The following NBPF15 variants were observed in gnomAD, a reference collection of about 807,000 sequenced individuals.
NBPF15 encodes the protein NBPF family member NBPF15.
NBPF15 carries 74 observed loss-of-function variants against 62.2 expected under a neutral mutation model. The observed-to-expected ratio is 1.19, with a 90% CI of 0.99 to 1.44. The LOEUF (loss-of-function observed/expected upper bound fraction) is 1.44. NBPF15 is among the 40% of genes most tolerant of loss of function. NBPF15 has a pLI of 0.00. For synonymous variants in NBPF15, 244 were observed against 209.7 expected, an observed-to-expected ratio of 1.16 and a Z score of -1.41; for missense variants, 790 against 550.0, an observed-to-expected ratio of 1.44 and a Z score of -4.36.
At chr1:144,445,352 TATACACACACAC>T (rs1686715834) in intron 6 of NBPF15, among the ~76,000 whole-genome samples, 1 of 115,172 alleles carries the variant, frequency 8.7e-6, no homozygotes, top group African/African-American at 4.7e-5. Context: ...TATATATATA[TATACACACACAC>T]ACACACACAC....
chr1:144,438,964 T>C (rs1680805233), intron 8 of NBPF15, among the ~76,000 whole-genome samples: 1 of 151,864 alleles, frequency 6.6e-6, no homozygotes, highest in African/African-American at 2.4e-5. Context: ...CTCTGCTTTT[T>C]ATTCTTATTT....
At chr1:144,450,447 C>G (rs587758965) in intron 5 of NBPF15, among the ~76,000 whole-genome samples, 1 of 151,962 alleles carries the variant, frequency 6.6e-6, no homozygotes, top group African/African-American at 2.4e-5. Flanking sequence ...CTCAGCCCCC[C>G]ACAAACAAGA....
chr1:144,428,496 G>T (rs1485461255), intron 15 of NBPF15, 110 bp downstream of exon 15: 1 of 844,704 alleles, frequency 1.2e-6, no homozygotes, highest in South Asian at 1.3e-5. Context: ...GCATAATTCA[G>T]ACTTGTCTGA....
chr1:144,450,561 G>C (rs1293270767), intron 5 of NBPF15, among the ~76,000 whole-genome samples: 1 of 150,344 alleles, frequency 6.7e-6, no homozygotes, highest in African/African-American at 2.5e-5. Flanking sequence ...ACATGACTCT[G>C]ATCAGAGAAC....
Position 144,450,885 on chromosome 1 carries a change from A to G in NBPF15, c.-431-15T>C, listed in dbSNP as rs1690650062. On this transcript the variant is annotated splice_polypyrimidine_tract_variant and intron_variant, in intron 4 of 21. Transcript: ENST00000581897. ...CAATCACATTTCTGAAAGAATAAAA[A>G]TGGTTCAGTGAAGGGATGGGTTGCC... 2 of 636,526 alleles carry G rather than the reference A, an allele frequency of 3.1e-6. No individual in the cohort carries two copies. Among genetic ancestry groups the G allele is most frequent in the Non-Finnish European group, 3.9e-6 (2 of 512,104 alleles). The allele number at this position is 636,526 out of a possible 1,614,324, so 39.4% of individuals were successfully genotyped here.
intron 15 of NBPF15, among the ~76,000 whole-genome samples, chr1:144,428,271 T>A (rs1282601241): frequency 6.6e-6 from 1 of 151,840 alleles, no homozygotes; most frequent in African/African-American, 2.4e-5. Context: ...AAGGACACTC[T>A]GTATTTGTGC....
At chr1:144,451,967 C>A (rs1380577228) in intron 4 of NBPF15, among the ~76,000 whole-genome samples, 11 of 151,766 alleles carry the variant, frequency 7.2e-5, no homozygotes, top group East Asian at 3.9e-4. Context: ...ACCTGGCCAA[C>A]ATGAAGAATC....
rs1553538760 is a variant in NBPF15 at position 144,423,880 on chromosome 1, G to A, written c.1759C>T (p.Pro587Ser). Reference protein sequence around the residue: ...GRKEGEDDNPPCPRLYGVLME... With the variant: ...GRKEGEDDNPSCPRLYGVLME... ...ATTGCTGAAAGTTACCTGGGGCATGGTGGGTTGTCATCTTCCCCTTCTTTT... is the reference window on the plus strand; with the variant it reads ...ATTGCTGAAAGTTACCTGGGGCATGATGGGTTGTCATCTTCCCCTTCTTTT... The change falls in exon 21 of 22, where the codon CCA becomes TCA. Residue 587 changes from proline (P) to serine (S), a missense_variant. Coordinates refer to ENST00000581897, the MANE Select transcript of NBPF15 (RefSeq NM_001385408.1). 8 of 775,292 alleles carry A rather than the reference G, an allele frequency of 1.0e-5. No homozygotes were observed. The highest frequency in any genetic ancestry group is 9.4e-5 in the South Asian group (7 of 74,716). 48.0% of individuals were successfully genotyped at this position (775,292 alleles called of 1,614,324 possible). A position where few individuals can be genotyped will look rare whatever the true frequency, so the allele number is the denominator to read the frequency against.
chr1:144,444,378 C>A (rs1270201843), intron 6 of NBPF15, among the ~76,000 whole-genome samples: 3 of 151,306 alleles, frequency 2.0e-5, no homozygotes, highest in Non-Finnish European at 4.4e-5. Context: ...GACGAAATAA[C>A]GAAGGCATTC....
At chr1:144,441,403 A>G (rs1242593294) in intron 6 of NBPF15, among the ~76,000 whole-genome samples, 16 of 151,732 alleles carry the variant, frequency 1.1e-4, no homozygotes, top group Non-Finnish European at 1.5e-5. Flanking sequence ...TCTCATGCCT[A>G]ATGTTCATTT....
rs1462022861 is a variant in NBPF15 at position 144,435,152 on chromosome 1, G to T, written c.731C>A (p.Ser244Tyr). 8 of 1,612,868 alleles carry T rather than the reference G, an allele frequency of 5.0e-6. No homozygotes were observed. The highest frequency in any genetic ancestry group is 2.2e-5 in the South Asian group (2 of 91,026). The change falls in exon 12 of 22, where the codon TCC (serine) becomes TAC (tyrosine). Residue 244 changes from serine (S) to tyrosine (Y), a missense_variant. By Grantham distance (144) the Ser-to-Tyr change is moderately radical. Transcript: ENST00000581897. ...AGCATCCTCCCATTCAACATGAGAG[G>T]ATGAGCCAATGAGAGTTGAGTCGAC... ...DKVDSTLIGS[S>Y]SHVEWEDAVH... is the part of the protein sequence containing the mutation.
At chr1:144,437,456 G>A (rs375485630) in intron 9 of NBPF15, among the ~76,000 whole-genome samples, 12 of 144,932 alleles carry the variant, frequency 8.3e-5, no homozygotes, top group East Asian at 4.0e-4. Context: ...TGCATCTTGC[G>A]GCCACTAGAT....
chr1:144,439,316 C>T (rs587613138), intron 8 of NBPF15, among the ~76,000 whole-genome samples: 3 of 152,010 alleles, frequency 2.0e-5, no homozygotes, highest in African/African-American at 7.2e-5. Context: ...CACTTATAGA[C>T]AGCACAGGTT....
chr1:144,442,137 A>ATATATATAATATATATACACGTG (rs2102306935), intron 6 of NBPF15, among the ~76,000 whole-genome samples: 1 of 13,906 alleles, frequency 7.2e-5, no homozygotes, highest in African/African-American at 1.4e-4. Context: ...ACGTGTATAT[A>ATATATATAATATATATACACGTG]TATATATATA....
intron 20 of NBPF15, 26 bp downstream of exon 20, chr1:144,424,664 T>C (rs1553538922): frequency 1.1e-5 from 7 of 639,034 alleles, no homozygotes; most frequent in Non-Finnish European, 1.9e-5. Flanking sequence ...AGTGGATCCT[T>C]ATCACCTTCA....
intron 4 of NBPF15, among the ~76,000 whole-genome samples, chr1:144,456,238 T>C (rs1399085413): frequency 7.2e-6 from 1 of 138,810 alleles, no homozygotes; most frequent in Non-Finnish European, 1.6e-5. Context: ...GAATGGGGGG[T>C]AAGAGGGGAA....
intron 3 of NBPF15, among the ~76,000 whole-genome samples, chr1:144,457,865 G>T (rs1289027202): frequency 1.3e-5 from 2 of 152,094 alleles, no homozygotes; most frequent in Middle Eastern, 3.4e-3. Context: ...CAAGGTGGGA[G>T]GATCATTTGA....
At position 144,452,391 on chromosome 1, in the gene NBPF15, C is replaced by T. The variant is rs1406062218; in HGVS notation, c.-431-1521G>A. On this transcript the variant is annotated intron_variant, in intron 4 of 21. Coordinates refer to ENST00000581897, the MANE Select transcript of NBPF15 (RefSeq NM_001385408.1). ...TCCCTAGAATGCAATCTCTTCTCTA[C>T]TTGTCACAAAACGAACACAATAGTC... Among the ~76,000 whole-genome samples the T allele has an allele frequency of 6.3e-4, 95 of 151,990 alleles. 1 individual carries two copies. The highest frequency in any genetic ancestry group is 6.8e-3 in the Middle Eastern group (2 of 294).
chr1:144,428,942 G>A (rs1672108234), intron 14 of NBPF15, among the ~76,000 whole-genome samples: 2 of 151,994 alleles, frequency 1.3e-5, no homozygotes, highest in African/African-American at 4.8e-5. Flanking sequence ...CCAATAAATT[G>A]TAGGCAAATA....
Sources: gnomAD v4.1 joint callset for allele counts (sites outside exome capture counted in the v4.1 genomes callset) on GRCh38, gnomAD v4.1.1 for gene constraint, MANE v1.5 for transcripts, NCBI Gene and HGNC (gene_info 2026-07-23, HGNC 2026-07-21) for gene names.